ADGRG5: variants seen among roughly 807,000 people sequenced by gnomAD.
ADGRG5 encodes G protein-coupled receptor 114.
Under a neutral mutation model 53.2 loss-of-function variants are expected in ADGRG5, and 37 were observed. The observed-to-expected ratio is 0.70, with a 90% CI of 0.53 to 0.91. The LOEUF (loss-of-function observed/expected upper bound fraction) is 0.91. Ranked by LOEUF, ADGRG5 falls within the 40% of genes least tolerant of loss-of-function variation. The probability of loss-of-function intolerance (pLI) is 0.00; values close to 1 mark genes in which losing one functional copy is unlikely to be tolerated. For missense variants in ADGRG5, 614 were observed against 675.8 expected, an observed-to-expected ratio of 0.91 and a Z score of 1.01; for synonymous variants, 277 against 290.4, an observed-to-expected ratio of 0.95 and a Z score of 0.47.
chr16:57,562,652 G>A (rs547044534), intron 3 of ADGRG5, 193 bp downstream of exon 3: 11 of 581,288 alleles, frequency 1.9e-5, no homozygotes, highest in Non-Finnish European at 3.1e-5. Context: ...AGGAATGGGG[G>A]CCCTTAATCA....
At chr16:57,560,987 C>T (rs2146790839) in intron 1 of ADGRG5, among the ~76,000 whole-genome samples, 1 of 152,284 alleles carries the variant, frequency 6.6e-6, no homozygotes, top group Middle Eastern at 3.4e-3. Flanking sequence ...CCATGTTGCC[C>T]AGGCTGGTCT....
At chr16:57,557,245 T>A (rs2032905446) in intron 1 of ADGRG5, among the ~76,000 whole-genome samples, 1 of 152,172 alleles carries the variant, frequency 6.6e-6, no homozygotes, top group Non-Finnish European at 1.5e-5. Flanking sequence ...TCACTGGGCA[T>A]GGAGTTTTAG....
chr16:57,572,319 CA>C (rs747682094), intron 10 of ADGRG5, among the ~76,000 whole-genome samples: 1 of 151,898 alleles, frequency 6.6e-6, no homozygotes, highest in Non-Finnish European at 1.5e-5. Context: ...ATTAAAAATA[CA>C]AAAAATTAGC....
At chr16:57,575,225 A>AGTGG in intron 11 of ADGRG5, 133 bp downstream of exon 11, 1 of 1,072,162 alleles carries the variant, frequency 9.3e-7, no homozygotes, top group Non-Finnish European at 1.3e-6. Flanking sequence ...TCCACTAGCT[A>AGTGG]AGCTGGTGGG....
chr16:57,561,372 T>A (rs1249981880), intron 1 of ADGRG5, among the ~76,000 whole-genome samples: 1 of 152,136 alleles, frequency 6.6e-6, no homozygotes. Flanking sequence ...ACCTCTCCCA[T>A]GGTAGGGTAC....
chr16:57,530,244 C>G, the ADGRG5 span, among the ~76,000 whole-genome samples: 1 of 152,174 alleles, frequency 6.6e-6, no homozygotes, highest in Admixed American at 6.5e-5. Context: ...CTTCAGCCTC[C>G]CCATCGCCCA....
the ADGRG5 span, among the ~76,000 whole-genome samples, chr16:57,530,652 CCT>C: frequency 6.6e-6 from 1 of 152,110 alleles, no homozygotes; most frequent in African/African-American, 2.4e-5. Context: ...CCTCTCTGCC[CCT>C]GAGAGGACAG....
chr16:57,545,956 G>T (rs1159097712), intron 1 of ADGRG5, among the ~76,000 whole-genome samples: 2 of 152,120 alleles, frequency 1.3e-5, no homozygotes, highest in Non-Finnish European at 2.9e-5. Flanking sequence ...CTCCCGAGTA[G>T]CTGGGATTAC....
rs2033069214 is a variant in ADGRG5, at chr16:57,563,998, C to T, written c.429+19C>T. 1 of 1,604,924 alleles carries T rather than the reference C, an allele frequency of 6.2e-7. No individual in the cohort carries two copies. ...TTTCAAGGTCAGTGTGATGGCGGGC[C>T]AAGGAGGGTGGGTGCCGGCCCCTTC... On this transcript the variant is annotated intron_variant, in intron 5 of 11. Transcript: ENST00000349457.
At chr16:57,542,808 A>G (rs2006254) in intron 1 of ADGRG5, 107 bp downstream of exon 1, 81,167 of 152,546 alleles carry the variant, frequency 0.53, 23,257 homozygotes, top group African/African-American at 0.74. Flanking sequence ...GTGGGCACAG[A>G]CCTGGTGATA....
chr16:57,529,160 G>A, the ADGRG5 span: 2 of 1,184,494 alleles, frequency 1.7e-6, no homozygotes, highest in Non-Finnish European at 2.1e-6. The surrounding 1 kb of genome is among the most constrained non-coding windows in gnomAD (Gnocchi z 4.1). Flanking sequence ...CCAGCCGGGG[G>A]CTGGGCCCGT....
In ADGRG5 at chr16:57,575,574, G is replaced by A. The variant is rs1321349460; in HGVS notation, c.*36G>A. 6.5e-7 allele frequency: 1 copy of A among 1,541,518 alleles called. No homozygotes were observed. Among genetic ancestry groups the A allele is most frequent in the African/African-American group, 1.4e-5 (1 of 73,628 alleles). ...CTGGCCTGGAATCCTCAGCCTCTCT[G>A]GCCGCCAGTAGCCTGAGGCTACGGC... On this transcript the variant is annotated 3_prime_UTR_variant, in exon 12 of 12. Coordinates refer to ENST00000349457, the MANE Select transcript of ADGRG5 (RefSeq NM_001304376.3).
intron 10 of ADGRG5, among the ~76,000 whole-genome samples, chr16:57,571,452 G>A (rs377017193): frequency 3.3e-5 from 5 of 152,240 alleles, no homozygotes; most frequent in African/African-American, 1.2e-4. Flanking sequence ...GGGGGACTGC[G>A]TGCTACATAG....
At chr16:57,557,054 T>C (rs2032900693) in intron 1 of ADGRG5, among the ~76,000 whole-genome samples, 1 of 151,822 alleles carries the variant, frequency 6.6e-6, no homozygotes, top group Non-Finnish European at 1.5e-5. Flanking sequence ...GGACTACAGG[T>C]GCATGCCACC....
At chr16:57,536,752 G>A in the ADGRG5 span, among the ~76,000 whole-genome samples, 2 of 152,140 alleles carry the variant, frequency 1.3e-5, no homozygotes, top group Admixed American at 6.5e-5. Context: ...AGGGGTGCGG[G>A]CCGGGGCGGT....
intron 9 of ADGRG5, 101 bp downstream of exon 9, chr16:57,568,225 C>G (rs1417459506): frequency 8.3e-7 from 1 of 1,198,036 alleles, no homozygotes; most frequent in Non-Finnish European, 1.2e-6. Context: ...GTCATAGTGG[C>G]CATTACATGA....
chr16:57,566,520 C>T (rs765683240), intron 6 of ADGRG5, 79 bp from the exon 7 acceptor site: 14 of 1,245,712 alleles, frequency 1.1e-5, no homozygotes, highest in Admixed American at 6.1e-5. Flanking sequence ...GTTGAGTCAC[C>T]GTTGGCCCCC....
intron 11 of ADGRG5, 95 bp from the exon 12 acceptor site, chr16:57,575,343 T>A (rs897486053): frequency 1.7e-6 from 2 of 1,204,502 alleles, no homozygotes; most frequent in Non-Finnish European, 2.4e-6. Context: ...GAGTTGCCCA[T>A]GGGCCCCAGG....
At position 57,566,743 on chromosome 16, in the gene ADGRG5, G is replaced by C. The variant is rs369460685; in HGVS notation, c.691G>C (p.Val231Leu). Residue 231 changes from valine (V) to leucine (L), a missense_variant, in exon 7 of 12, where the codon GTT becomes CTT. Physicochemically the swap from Val to Leu is conservative, Grantham distance 32. Transcript: ENST00000349457. ...CRCNHLTYFA[V>L]LMQLSPALVP... is the part of the protein sequence containing the mutation. ...CTGCAACCACCTCACCTACTTTGCT[G>C]TTCTCATGGTATGTATGCATCCTGA... is the stretch of plus-strand genomic sequence containing the variant. 3.2e-6 allele frequency: 5 copies of C among 1,539,546 alleles called. No homozygotes were observed. The African/African-American group carries it at 5.5e-5, about 17-fold the overall frequency.
Sources: allele counts gnomAD v4.1 joint callset (sites outside exome capture counted in the v4.1 genomes callset), GRCh38; gene constraint gnomAD v4.1.1; non-coding constraint Gnocchi (gnomAD v3.1); transcripts MANE v1.5; gene names NCBI Gene and HGNC (gene_info 2026-07-23, HGNC 2026-07-21).